The following PALM2AKAP2 variants were observed in gnomAD, a reference collection of about 807,000 sequenced individuals.
The protein encoded by PALM2AKAP2 is PALM2 and AKAP2 fusion.
A neutral mutation model predicts 71.5 loss-of-function variants in PALM2AKAP2; 37 were observed. The observed-to-expected ratio is 0.52, with a 90% CI of 0.40 to 0.68. The LOEUF (loss-of-function observed/expected upper bound fraction) is 0.68, where lower values mean the gene tolerates loss of function less well. Ranked by LOEUF, PALM2AKAP2 falls within the 30% of genes least tolerant of loss-of-function variation. The pLI is 0.00. For missense variants in PALM2AKAP2, 1,224 were observed against 1,191.8 expected (o/e 1.03, Z -0.40); for synonymous variants, 468 against 478.8 (o/e 0.98, Z 0.29).
At chr9:109,691,875 CACACACATATATAT>C (rs1827896124) in intron 1 of PALM2AKAP2, among the ~76,000 whole-genome samples, 1 of 55,260 alleles carries the variant, frequency 1.8e-5, no homozygotes, top group African/African-American at 6.7e-5. Context: ...TATACACACA[CACACACATATATAT>C]ATATATATAT....
intron 6 of PALM2AKAP2, among the ~76,000 whole-genome samples, chr9:109,977,893 G>C (rs999549034): frequency 6.6e-6 from 1 of 152,078 alleles, no homozygotes; most frequent in African/African-American, 2.4e-5. Flanking sequence ...CTGGATTCTG[G>C]GAAAGGGCTC....
At chr9:109,975,884 A>G (rs1832164243) in intron 6 of PALM2AKAP2, among the ~76,000 whole-genome samples, 1 of 152,214 alleles carries the variant, frequency 6.6e-6, no homozygotes. Flanking sequence ...GGTGGGGAGG[A>G]GGAAGAGCAG....
intron 1 of PALM2AKAP2, among the ~76,000 whole-genome samples, chr9:109,831,164 CACACACACACACACACACAA>C (rs1409426204): frequency 1.4e-5 from 2 of 147,396 alleles, no homozygotes; most frequent in Non-Finnish European, 3.1e-5. Context: ...CACACACACA[CACACACACACACACACACAA>C]GCATAAATAG....
chr9:109,664,873 A>T lies in PALM2AKAP2; in HGVS notation c.5+24007A>T, dbSNP rs1587859111. Among the ~76,000 whole-genome samples, 2 of 152,240 alleles carry T rather than the reference A, an allele frequency of 1.3e-5. 1 individual carries two copies. Among genetic ancestry groups the T allele is most frequent in the East Asian group, 3.9e-4 (2 of 5,180 alleles). The stretch of plus-strand genomic sequence containing the variant: ...TTCACATAGTCCCATATTTCTTGGA[A>T]GCTTTGTTTGTTCCTTTTTGCTCTT... On this transcript the variant is annotated intron_variant, in intron 1 of 6. Coordinates refer to the PALM2AKAP2 transcript ENST00000374531.
intron 1 of PALM2AKAP2, among the ~76,000 whole-genome samples, chr9:109,834,525 C>T (rs953384453): frequency 6.6e-6 from 1 of 152,146 alleles, no homozygotes; most frequent in Non-Finnish European, 1.5e-5. Context: ...CTGAGGCTGA[C>T]CCCTGGTAGT....
intron 3 of PALM2AKAP2, among the ~76,000 whole-genome samples, chr9:109,915,268 C>T (rs1309527553): frequency 6.6e-6 from 1 of 152,146 alleles, no homozygotes; most frequent in Non-Finnish European, 1.5e-5. Context: ...TGGTGAGCTC[C>T]CCATGTGTGG....
At chr9:109,934,976 A>G (rs897124935) in intron 6 of PALM2AKAP2, among the ~76,000 whole-genome samples, 1 of 152,214 alleles carries the variant, frequency 6.6e-6, no homozygotes, top group Non-Finnish European at 1.5e-5. Context: ...TCTCTCAAGA[A>G]TGTTGCGGGT....
intron 1 of PALM2AKAP2, among the ~76,000 whole-genome samples, chr9:109,676,959 T>C (rs1348492209): frequency 6.6e-6 from 1 of 152,170 alleles, no homozygotes; most frequent in African/African-American, 2.4e-5. Context: ...GGCAAAAACA[T>C]TTCAGAGGAA....
At chr9:109,978,101 C>T (rs780988428) in intron 6 of PALM2AKAP2, among the ~76,000 whole-genome samples, 1 of 151,986 alleles carries the variant, frequency 6.6e-6, no homozygotes, top group Non-Finnish European at 1.5e-5. Flanking sequence ...GAAAATAAAG[C>T]CCCAGAGGTG....
upstream of PALM2AKAP2, among the ~76,000 whole-genome samples, chr9:110,047,466 T>C (rs1833622055): frequency 6.6e-6 from 1 of 152,164 alleles, no homozygotes; most frequent in Non-Finnish European, 1.5e-5. Flanking sequence ...GTTAGGAAAG[T>C]AGAATCAGGC....
intron 1 of PALM2AKAP2, among the ~76,000 whole-genome samples, chr9:109,660,852 T>C (rs1254289229): frequency 6.6e-6 from 1 of 152,184 alleles, no homozygotes; most frequent in Admixed American, 6.5e-5. Flanking sequence ...TTTTAATGAT[T>C]GCCATTCTAA....
intron 2 of PALM2AKAP2, among the ~76,000 whole-genome samples, chr9:110,150,348 T>G (rs1390823317): frequency 1.3e-5 from 2 of 152,204 alleles, no homozygotes; most frequent in East Asian, 1.9e-4. Context: ...AAGGTGTCAG[T>G]GGGTAGTGTT....
At chr9:109,808,884 G>A (rs994569698) in intron 1 of PALM2AKAP2, among the ~76,000 whole-genome samples, 1 of 152,230 alleles carries the variant, frequency 6.6e-6, no homozygotes, top group Non-Finnish European at 1.5e-5. Flanking sequence ...GGCCAATGTA[G>A]AGTTCAGGCC....
At chr9:109,975,658 G>T (rs527482563) in intron 6 of PALM2AKAP2, among the ~76,000 whole-genome samples, 2 of 152,204 alleles carry the variant, frequency 1.3e-5, no homozygotes, top group South Asian at 4.2e-4. Context: ...TTTGAGTGTC[G>T]ACTTGCTTTA....
intron 1 of PALM2AKAP2, among the ~76,000 whole-genome samples, chr9:110,060,343 T>C (rs1480177190): frequency 6.6e-6 from 1 of 152,044 alleles, no homozygotes. Context: ...CCTCAAGTGA[T>C]CTGCCCACCT....
chr9:109,842,875 TCACGCCTGTAATCCCAG>T, intron 1 of PALM2AKAP2, among the ~76,000 whole-genome samples: 1 of 151,944 alleles, frequency 6.6e-6, no homozygotes, highest in South Asian at 2.1e-4. Context: ...GTTCGGTGGC[TCACGCCTGTAATCCCAG>T]CACTTTGGGA....
Position 110,014,802 on chromosome 9 carries a change from AAATGTATATATATAT to A in PALM2AKAP2, c.497-1150_497-1136del, listed in dbSNP as rs1416396548. ...CTCAAAAAAAAAAAAAAAAAAAAAA[AAATGTATATATATAT>A]ATATATATATATATATATATATATA... On this transcript the variant is annotated intron_variant, in intron 6 of 9. Coordinates refer to the PALM2AKAP2 transcript ENST00000302798. Among the ~76,000 whole-genome samples the A allele has an allele frequency of 5.6e-3, 234 of 41,460 alleles. 13 individuals carry two copies. Among genetic ancestry groups the A allele is most frequent in the East Asian group, 0.034 (37 of 1,088 alleles). 27.2% of individuals were successfully genotyped at this position (41,460 alleles called of 152,430 possible).
intron 1 of PALM2AKAP2, among the ~76,000 whole-genome samples, chr9:109,700,208 C>T (rs1318450280): frequency 6.6e-6 from 1 of 152,122 alleles, no homozygotes; most frequent in Non-Finnish European, 1.5e-5. Flanking sequence ...CTCCCATAAT[C>T]CCCACGTGTC....
rs190954831 is a variant in PALM2AKAP2, at chr9:110,042,992, T to A, written c.582+26953T>A. 1.2e-3 allele frequency among the ~76,000 whole-genome samples: 185 copies of A among 152,184 alleles called. 4 individuals carry two copies. The highest frequency in any genetic ancestry group is 4.0e-3 in the African/African-American group (168 of 41,526). On this transcript the variant is annotated intron_variant, in intron 7 of 9. Transcript: ENST00000302798. ...CCCTGTTGTCCTAGCAAATACTAGGTCTTATTCATTCTTTCTATTTTTTGG... is the reference window on the plus strand; with the variant it reads ...CCCTGTTGTCCTAGCAAATACTAGGACTTATTCATTCTTTCTATTTTTTGG...
Sources: allele counts gnomAD v4.1 joint callset (sites outside exome capture counted in the v4.1 genomes callset), GRCh38; gene constraint gnomAD v4.1.1; transcripts MANE v1.5; gene names NCBI Gene and HGNC (gene_info 2026-07-23, HGNC 2026-07-21).